Variants in SLC2A14 observed in about 807,000 individuals in gnomAD.
SLC2A14 encodes solute carrier family 2, facilitated glucose transporter member 14.
SLC2A14 carries 13 observed loss-of-function variants against 43.0 expected under a neutral mutation model. The ratio of observed to expected loss-of-function variants is 0.30; its 90% confidence interval spans 0.20 to 0.48. The LOEUF (loss-of-function observed/expected upper bound fraction) is 0.48, where lower values mean the gene tolerates loss of function less well. SLC2A14 is among the 20% of genes least tolerant of loss of function. SLC2A14 has a pLI of 0.99. For missense variants in SLC2A14, 428 were observed against 620.4 expected (o/e 0.69, Z 3.29); for synonymous variants, 190 against 233.8 (o/e 0.81, Z 1.71).
chr12:7,829,971 GC>G lies in SLC2A14; in HGVS notation c.307del (p.Ala103ProfsTer12). On this transcript the variant is annotated frameshift_variant, in exon 5 of 11. Transcript: ENST00000431042. LOFTEE classifies it high-confidence loss of function. ...CAGTCCCATAAGGCAGCCACCAGTG[GC>G]AGCCAACAGGTTGACAATCAGCATT... ...NSMLIVNLLAATGGCLMGLCK... is the reference protein window; with the variant it reads ...NSMLIVNLLAXTGGCLMGLCK... 6.2e-7 allele frequency: 1 copy of G among 1,614,192 alleles called. No homozygotes were observed. The highest frequency in any genetic ancestry group is 8.5e-7 in the Non-Finnish European group (1 of 1,180,032).
At chr12:7,815,529 C>A (rs1357292949) in intron 10 of SLC2A14, among the ~76,000 whole-genome samples, 1 of 152,134 alleles carries the variant, frequency 6.6e-6, no homozygotes, top group Non-Finnish European at 1.5e-5. Context: ...GATGTCTAAT[C>A]TTTCATAGCG....
chr12:7,882,171 TC>T (rs1565589539), intron 1 of SLC2A14, among the ~76,000 whole-genome samples: 16 of 151,982 alleles, frequency 1.1e-4, no homozygotes, highest in Non-Finnish European at 2.4e-4. Context: ...GCTGTAACAC[TC>T]ACCGTGAAAG....
chr12:7,873,928 G>A (rs1945362427), upstream of SLC2A14, among the ~76,000 whole-genome samples: 1 of 152,064 alleles, frequency 6.6e-6, no homozygotes, highest in Admixed American at 6.6e-5. Flanking sequence ...ACGACAGCAT[G>A]GCCTTCAGTA....
intron 2 of SLC2A14, among the ~76,000 whole-genome samples, chr12:7,837,508 G>A (rs1002604607): frequency 2.6e-5 from 4 of 151,560 alleles, no homozygotes; most frequent in East Asian, 2.0e-4. Context: ...CCATAGTGGC[G>A]CAAGCCTGTA....
At chr12:7,847,207 G>A (rs1426526193) in intron 2 of SLC2A14, among the ~76,000 whole-genome samples, 1 of 151,894 alleles carries the variant, frequency 6.6e-6, no homozygotes, top group Non-Finnish European at 1.5e-5. Context: ...ACCCAAGATT[G>A]TGCCATTGCA....
chr12:7,875,495 G>A (rs1029176826), upstream of SLC2A14, among the ~76,000 whole-genome samples: 2 of 150,220 alleles, frequency 1.3e-5, no homozygotes, highest in Admixed American at 6.7e-5. Context: ...GTGACAGAGT[G>A]AGACTCCCTT....
intron 2 of SLC2A14, among the ~76,000 whole-genome samples, chr12:7,845,384 T>A (rs1353599906): frequency 6.6e-6 from 1 of 152,178 alleles, no homozygotes; most frequent in Non-Finnish European, 1.5e-5. Flanking sequence ...GTACTATGTA[T>A]GTCAACTGTA....
intron 7 of SLC2A14, among the ~76,000 whole-genome samples, chr12:7,826,835 T>TTCCC (rs1282038717): frequency 0.014 from 67 of 4,644 alleles, no homozygotes; most frequent in Admixed American, 0.02. Flanking sequence ...CTTTCTTTCT[T>TTCCC]TCCTTCCTTC....
chr12:7,830,481 T>C (rs1864929494), intron 4 of SLC2A14, among the ~76,000 whole-genome samples: 1 of 152,078 alleles, frequency 6.6e-6, no homozygotes, highest in Non-Finnish European at 1.5e-5. Flanking sequence ...AGAACGTTTC[T>C]AGTTGGGAGC....
At chr12:7,843,021 C>G (rs1185028346) in intron 2 of SLC2A14, among the ~76,000 whole-genome samples, 8 of 152,116 alleles carry the variant, frequency 5.3e-5, no homozygotes, top group African/African-American at 1.9e-4. Context: ...AGCCACCGCG[C>G]CTGGCCACAT....
At chr12:7,861,771 G>A (rs7137803) in intron 2 of SLC2A14, among the ~76,000 whole-genome samples, 10,225 of 151,882 alleles carry the variant, frequency 0.067, 551 homozygotes, top group African/African-American at 0.14. Flanking sequence ...AGACCAGCCT[G>A]GCCAACATGG....
At chr12:7,817,157 C>A (rs1863520840) in intron 10 of SLC2A14, among the ~76,000 whole-genome samples, 1 of 151,660 alleles carries the variant, frequency 6.6e-6, no homozygotes, top group African/African-American at 2.4e-5. Context: ...GTCTTGTTGC[C>A]CAGGCTGGAG....
At chr12:7,887,112 A>G (rs548251967) in intron 1 of SLC2A14, among the ~76,000 whole-genome samples, 88 of 151,766 alleles carry the variant, frequency 5.8e-4, no homozygotes, top group Middle Eastern at 6.8e-3. Flanking sequence ...GGGTTTCACC[A>G]TGTTGGCCAG....
At chr12:7,882,457 C>T (rs1945600810) in intron 1 of SLC2A14, among the ~76,000 whole-genome samples, 1 of 152,054 alleles carries the variant, frequency 6.6e-6, no homozygotes, top group South Asian at 2.1e-4. Context: ...GACCAAGAAT[C>T]CCCCAATTCC....
rs200489238 is a variant in SLC2A14, at chr12:7,826,969, CTCTCTCTTTCTCTCCTT to C, written c.864+509_864+525del. On this transcript the variant is annotated intron_variant, in intron 7 of 10. Coordinates refer to ENST00000431042, the MANE Select transcript of SLC2A14 (RefSeq NM_001286234.2). ...TCTTTCCTTTCTTCTCTCTCTTTCT[CTCTCTCTTTCTCTCCTT>C]TCTCTCTTTCTCTCCTTTCTCTCTC... 0.014 allele frequency among the ~76,000 whole-genome samples: 505 copies of C among 36,860 alleles called. 23 individuals are homozygous for C. The South Asian group carries it at 0.14, about 10-fold the overall frequency. 24.2% of individuals were successfully genotyped at this position (36,860 alleles called of 152,430 possible). A position where few individuals can be genotyped will look rare whatever the true frequency, so the allele number is the denominator to read the frequency against.
At chr12:7,832,033 G>T (rs1865080964) in intron 3 of SLC2A14, among the ~76,000 whole-genome samples, 1 of 152,208 alleles carries the variant, frequency 6.6e-6, no homozygotes, top group Non-Finnish European at 1.5e-5. Flanking sequence ...GCTTGAACCC[G>T]TGGGGCGGAG....
Position 7,871,090 on chromosome 12 carries a change from G to A in SLC2A14, c.-57-1153C>T, listed in dbSNP as rs1592315558. On this transcript the variant is annotated intron_variant, in intron 1 of 10. Transcript: ENST00000431042. ...GCAGGGCATGATGAGCGAGGCCCCA[G>A]GGCCCATCAACTTCACCACTTCCCT... is the stretch of plus-strand genomic sequence containing the variant. 4.4e-6 allele frequency: 6 copies of A among 1,365,274 alleles called. No individual in the cohort carries two copies. The East Asian group carries it at 1.9e-4, about 43-fold the overall frequency. The allele number at this position is 1,365,274 out of a possible 1,614,324, so 84.6% of individuals were successfully genotyped here.
At position 7,883,596 on chromosome 12, in the gene SLC2A14, T is replaced by TTTC. The variant is rs1202116436; in HGVS notation, c.132+7399_132+7400insGAA. On this transcript the variant is annotated intron_variant, in intron 1 of 9. Transcript: ENST00000539924. Reference sequence around the variant, plus strand: ...TTCTTTTTCTTTTTCTTTTCTTTTTTTTTTTTTTTTTTTTTTTGAGACGGG... The same window carrying TTTC: ...TTCTTTTTCTTTTTCTTTTCTTTTTTTTCTTTTTTTTTTTTTTTTTGAGACGGG... Among the ~76,000 whole-genome samples, 678 of 107,014 alleles carry TTTC rather than the reference T, an allele frequency of 6.3e-3. 15 individuals carry two copies. Among genetic ancestry groups the TTTC allele is most frequent in the African/African-American group, 0.022 (656 of 30,482 alleles). 70.2% of individuals were successfully genotyped at this position (107,014 alleles called of 152,430 possible).
In SLC2A14 at chr12:7,831,252, GTTT is replaced by G. The variant is rs35386927; in HGVS notation, c.272+349_272+351del. Reference sequence around the variant, plus strand: ...AACATTTATATGAGACCCCAGTTTTGTTTTTTTTTTTTTTGAGAAAAGTAATCA... The same window carrying G: ...AACATTTATATGAGACCCCAGTTTTGTTTTTTTTTTTGAGAAAAGTAATCA... On this transcript the variant is annotated intron_variant, in intron 4 of 10. Transcript: ENST00000431042. 6.3e-3 allele frequency: 1,002 copies of G among 159,534 alleles called. 1 individual carries two copies. Among genetic ancestry groups the G allele is most frequent in the Non-Finnish European group, 8.9e-3 (664 of 75,016 alleles). 9.9% of individuals were successfully genotyped at this position (159,534 alleles called of 1,614,324 possible). A position where few individuals can be genotyped will look rare whatever the true frequency, so the allele number is the denominator to read the frequency against.
Sources: allele counts gnomAD v4.1 joint callset (sites outside exome capture counted in the v4.1 genomes callset), GRCh38; gene constraint gnomAD v4.1.1; transcripts MANE v1.5; gene names NCBI Gene and HGNC (gene_info 2026-07-23, HGNC 2026-07-21).